PDE1C: variants seen among roughly 807,000 people sequenced by gnomAD.
PDE1C encodes phosphodiesterase 1C.
A neutral mutation model predicts 93.1 loss-of-function variants in PDE1C; 62 were observed. The observed-to-expected ratio is 0.67, with a 90% CI of 0.54 to 0.82. PDE1C has a LOEUF of 0.82. Among genes scored for constraint, PDE1C ranks in the 40% least tolerant of loss-of-function variants. The pLI is 0.00. For synonymous variants in PDE1C, 325 were observed against 310.1 expected, an observed-to-expected ratio of 1.05 and a Z score of -0.50; for missense variants, 742 against 884.6, an observed-to-expected ratio of 0.84 and a Z score of 2.04.
At chr7:32,020,230 A>C (rs1254108180) in intron 2 of PDE1C, among the ~76,000 whole-genome samples, 1 of 152,062 alleles carries the variant, frequency 6.6e-6, no homozygotes, top group Non-Finnish European at 1.5e-5. Flanking sequence ...CACCTTCAAT[A>C]AGCATTTGTT....
intron 2 of PDE1C, among the ~76,000 whole-genome samples, chr7:31,949,155 G>T (rs1419485699): frequency 6.6e-6 from 1 of 152,000 alleles, no homozygotes; most frequent in Non-Finnish European, 1.5e-5. Context: ...TATCTAGTTG[G>T]GGCTAAAAAA....
At chr7:32,383,459 G>T (rs1007473787) in intron 1 of PDE1C, among the ~76,000 whole-genome samples, 3 of 152,154 alleles carry the variant, frequency 2.0e-5, no homozygotes, top group African/African-American at 4.8e-5. Flanking sequence ...CACTAATGAG[G>T]TCTCTTCTAG....
Position 31,869,393 on chromosome 7 carries a change from A to C in PDE1C, c.609+3899T>G, listed in dbSNP as rs117613186. On this transcript the variant is annotated intron_variant, in intron 6 of 17. Transcript: ENST00000396191. ...TATAAGAAACTCTTTTCACCTGTAA[A>C]GACACATGTAGACTGAAAAGAAAAA... 1.0e-2 allele frequency among the ~76,000 whole-genome samples: 1,516 copies of C among 152,204 alleles called. 14 individuals carry two copies. Among genetic ancestry groups the C allele is most frequent in the Non-Finnish European group, 0.018 (1,194 of 67,946 alleles).
chr7:32,182,307 G>A (rs1803500985), intron 2 of PDE1C, among the ~76,000 whole-genome samples: 1 of 152,174 alleles, frequency 6.6e-6, no homozygotes, highest in South Asian at 2.1e-4. Flanking sequence ...TATGAAGCCA[G>A]CATTATCCTG....
intron 1 of PDE1C, among the ~76,000 whole-genome samples, chr7:32,291,307 G>A (rs536867491): frequency 6.6e-6 from 1 of 152,352 alleles, no homozygotes; most frequent in South Asian, 2.1e-4. Context: ...ATCCAGGTTA[G>A]ATGCTTCTGT....
chr7:32,298,510 C>T (rs1002962781), intron 1 of PDE1C: 17 of 1,041,780 alleles, frequency 1.6e-5, no homozygotes, highest in Non-Finnish European at 2.3e-5. Flanking sequence ...TCGCCGCTCC[C>T]GGGGGCTCCC....
chr7:32,301,931 G>A (rs7780009), upstream of PDE1C, among the ~76,000 whole-genome samples: 34,604 of 152,130 alleles, frequency 0.23, 4,121 homozygotes, highest in African/African-American at 0.28. Context: ...GATTGATAAA[G>A]ATGAAAAGAA....
intron 2 of PDE1C, among the ~76,000 whole-genome samples, chr7:31,964,117 G>C (rs1359503658): frequency 6.6e-6 from 1 of 152,260 alleles, no homozygotes; most frequent in Non-Finnish European, 1.5e-5. Flanking sequence ...GGGCAAGACA[G>C]TGGGTGCAGC....
At chr7:32,304,704 T>C (rs934355443) in intron 1 of PDE1C, among the ~76,000 whole-genome samples, 4 of 152,158 alleles carry the variant, frequency 2.6e-5, no homozygotes, top group African/African-American at 9.7e-5. Context: ...TGACTTAGCC[T>C]CTCTGAGTCT....
At chr7:31,661,484 G>T in the PDE1C span, among the ~76,000 whole-genome samples, 10 of 152,122 alleles carry the variant, frequency 6.6e-5, no homozygotes, top group African/African-American at 2.4e-4. Context: ...AGCCCCAGGT[G>T]GGTGGATCAC....
intron 2 of PDE1C, among the ~76,000 whole-genome samples, chr7:32,191,794 G>A (rs1265639995): frequency 6.6e-6 from 1 of 152,164 alleles, no homozygotes; most frequent in African/African-American, 2.4e-5. Flanking sequence ...ATACTACCAA[G>A]TTACTTTTCA....
intron 17 of PDE1C, among the ~76,000 whole-genome samples, chr7:31,773,891 C>A (rs538844951): frequency 3.6e-4 from 55 of 152,246 alleles, no homozygotes; most frequent in South Asian, 1.2e-3. Context: ...AGTGCACTGT[C>A]AATTCCACCT....
At chr7:31,620,391 G>C in the PDE1C span, among the ~76,000 whole-genome samples, 1 of 151,756 alleles carries the variant, frequency 6.6e-6, no homozygotes, top group Non-Finnish European at 1.5e-5. Flanking sequence ...TCACACGGCC[G>C]GGTACTCCTC....
At chr7:32,237,872 G>A (rs890800101) in intron 1 of PDE1C, among the ~76,000 whole-genome samples, 8 of 147,986 alleles carry the variant, frequency 5.4e-5, no homozygotes, top group African/African-American at 2.0e-4. Flanking sequence ...CTGGGTTCAA[G>A]CAATTCTCCT....
At chr7:32,159,996 C>T (rs1406514130) in intron 3 of PDE1C, among the ~76,000 whole-genome samples, 1 of 152,080 alleles carries the variant, frequency 6.6e-6, no homozygotes, top group Non-Finnish European at 1.5e-5. Context: ...AAAGTGGCCA[C>T]GGGCTAAAGG....
rs551947814 is a variant in PDE1C at position 32,260,072 on chromosome 7, G to T, written c.85+38579C>A. Among the ~76,000 whole-genome samples the T allele has an allele frequency of 2.6e-5, 4 of 152,304 alleles. No homozygotes were observed. In the East Asian group the frequency reaches 7.7e-4, roughly 29 times the overall value. On this transcript the variant is annotated intron_variant, in intron 1 of 18. Coordinates refer to the PDE1C transcript ENST00000396193. The stretch of plus-strand genomic sequence containing the variant: ...CCAGTCTCTAGAGGGCTGCTACGAG[G>T]CTCTTCCTGTTTCCAGGCGGACTGA...
chr7:32,421,231 A>G (rs1001585823), intron 1 of PDE1C, among the ~76,000 whole-genome samples: 2 of 152,224 alleles, frequency 1.3e-5, no homozygotes, highest in Non-Finnish European at 2.9e-5. Context: ...CTCTAAGGCC[A>G]CATGAACTGC....
At chr7:32,170,159 A>G (rs1205366996) in intron 2 of PDE1C, among the ~76,000 whole-genome samples, 2 of 152,212 alleles carry the variant, frequency 1.3e-5, no homozygotes, top group African/African-American at 2.4e-5. Context: ...ATTTTGACAC[A>G]AAGCTAAGTT....
At chr7:32,261,451 G>A (rs983425060) in intron 1 of PDE1C, among the ~76,000 whole-genome samples, 4 of 152,146 alleles carry the variant, frequency 2.6e-5, no homozygotes, top group African/African-American at 9.7e-5. Context: ...ATCCTCAAAT[G>A]CTCAGGGAGA....
Sources: allele counts gnomAD v4.1 joint callset (sites outside exome capture counted in the v4.1 genomes callset), GRCh38; gene constraint gnomAD v4.1.1; transcripts MANE v1.5; gene names NCBI Gene and HGNC (gene_info 2026-07-23, HGNC 2026-07-21).